CERK: variants seen among roughly 807,000 people sequenced by gnomAD.
CERK encodes the protein ceramide kinase.
CERK carries 39 observed loss-of-function variants against 63.4 expected under a neutral mutation model. That is an observed-to-expected ratio of 0.61 (90% CI 0.48 to 0.80). The LOEUF is 0.80. Among genes scored for constraint, CERK ranks in the 30% least tolerant of loss-of-function variants. CERK has a pLI of 0.00. For missense variants in CERK, 670 were observed against 714.1 expected (o/e 0.94, Z 0.70); for synonymous variants, 302 against 280.0 (o/e 1.08, Z -0.78).
intron 1 of CERK, among the ~76,000 whole-genome samples, chr22:46,732,482 C>G (rs540140215): frequency 2.6e-5 from 4 of 151,904 alleles, no homozygotes; most frequent in Non-Finnish European, 5.9e-5. Flanking sequence ...CTTAAACACA[C>G]AGAAAGTGTA....
chr22:46,698,268 CG>C (rs1431467050), intron 8 of CERK, among the ~76,000 whole-genome samples: 1 of 152,232 alleles, frequency 6.6e-6, no homozygotes, highest in Non-Finnish European at 1.5e-5. Context: ...GGGAGTGCGG[CG>C]TGGCATTCGC....
chr22:46,725,451 G>C (rs1159236426), intron 1 of CERK, among the ~76,000 whole-genome samples: 3 of 152,156 alleles, frequency 2.0e-5, no homozygotes, highest in African/African-American at 7.2e-5. Flanking sequence ...CTGAGGGTTA[G>C]TCTCAAATTG....
chr22:46,718,993 G>T lies in CERK; in HGVS notation c.379+1093C>A, dbSNP rs201627830. 9.2e-5 allele frequency among the ~76,000 whole-genome samples: 14 copies of T among 151,648 alleles called. No homozygotes were observed. In the East Asian group the frequency reaches 2.8e-3, roughly 30 times the overall value. ...TGAGGTGGGAAGATCACTTGAGCCCGGAAGGTAGAGGCTGCAGTGAGCTAA... is the reference window on the plus strand; with the variant it reads ...TGAGGTGGGAAGATCACTTGAGCCCTGAAGGTAGAGGCTGCAGTGAGCTAA... On this transcript the variant is annotated intron_variant, in intron 3 of 12. Transcript: ENST00000216264.
At chr22:46,712,375 T>C in intron 3 of CERK, 82 bp from the exon 4 acceptor site, 2 of 1,353,966 alleles carry the variant, frequency 1.5e-6, no homozygotes, top group Non-Finnish European at 2.1e-6. Flanking sequence ...AATCAAACCA[T>C]GAGGGTTTTA....
At chr22:46,699,239 T>C (rs2082771140) in intron 8 of CERK, 74 bp downstream of exon 8, 1 of 1,473,792 alleles carries the variant, frequency 6.8e-7, no homozygotes, top group South Asian at 1.2e-5. Context: ...GCTCAGTGGA[T>C]TCAGTCAGGT....
chr22:46,687,276 T>A, intron 12 of CERK, 70 bp from the exon 13 acceptor site: 4 of 720,850 alleles, frequency 5.5e-6, no homozygotes, highest in African/African-American at 2.3e-5. Flanking sequence ...GCCCCACTCC[T>A]GGACAGGGGC....
chr22:46,718,371 C>T (rs767670647), intron 3 of CERK, among the ~76,000 whole-genome samples: 11 of 151,900 alleles, frequency 7.2e-5, no homozygotes, highest in South Asian at 2.1e-4. Context: ...GCAGGACGGA[C>T]GGAAAGGGGG....
chr22:46,737,291 C>CA (rs34667609), intron 1 of CERK, among the ~76,000 whole-genome samples: 3,527 of 69,176 alleles, frequency 0.051, 139 homozygotes, highest in African/African-American at 0.12. Context: ...CACTCCGACT[C>CA]AAAAAAAAAA....
In CERK at chr22:46,733,772, T is replaced by A. The variant is rs560000980; in HGVS notation, c.142+4235A>T. On this transcript the variant is annotated intron_variant, in intron 1 of 12. Coordinates refer to ENST00000216264, the MANE Select transcript of CERK (RefSeq NM_022766.6). ...TGTAAGAATTTACAGCCAGGTGCAG[T>A]GGCTAACGCCTGTAATCCCAACACT... 1.1e-3 allele frequency among the ~76,000 whole-genome samples: 164 copies of A among 152,042 alleles called. 2 individuals are homozygous for A. The highest frequency in any genetic ancestry group is 3.7e-3 in the African/African-American group (153 of 41,484).
At chr22:46,703,185 C>T (rs76535366) in intron 6 of CERK, among the ~76,000 whole-genome samples, 1 of 152,186 alleles carries the variant, frequency 6.6e-6, no homozygotes, top group East Asian at 1.9e-4. Context: ...TATACTAATA[C>T]ATATGTGGAA....
chr22:46,730,364 T>C (rs1015778146), intron 1 of CERK, among the ~76,000 whole-genome samples: 1 of 151,176 alleles, frequency 6.6e-6, no homozygotes, highest in African/African-American at 2.4e-5. Context: ...GAGTTTGCAG[T>C]GAGTCGAGAT....
intron 1 of CERK, among the ~76,000 whole-genome samples, chr22:46,722,794 G>T (rs1055958951): frequency 6.6e-6 from 1 of 152,152 alleles, no homozygotes; most frequent in Admixed American, 6.6e-5. Flanking sequence ...CGTGCCAGGG[G>T]TGCCAGCACA....
intron 1 of CERK, among the ~76,000 whole-genome samples, chr22:46,726,206 A>G (rs536730382): frequency 6.6e-6 from 1 of 152,334 alleles, no homozygotes; most frequent in Non-Finnish European, 1.5e-5. Flanking sequence ...GAGGCCCCAG[A>G]TGTCTTTCGC....
At chr22:46,734,831 C>T (rs1056954473) in intron 1 of CERK, among the ~76,000 whole-genome samples, 1 of 152,132 alleles carries the variant, frequency 6.6e-6, no homozygotes. Flanking sequence ...TGTGTTTTCT[C>T]GATATTATTA....
At position 46,712,628 on chromosome 22, in the gene CERK, G is replaced by T. The variant is rs115137642; in HGVS notation, c.380-335C>A. The stretch of plus-strand genomic sequence containing the variant: ...GGGCAGCAGCCTCGTTCTTCTGCAG[G>T]TGAAGGAGGTGAGTGTGCAGACAGC... On this transcript the variant is annotated intron_variant, in intron 3 of 12. Coordinates refer to ENST00000216264, the MANE Select transcript of CERK (RefSeq NM_022766.6). 3.9e-3 allele frequency among the ~76,000 whole-genome samples: 593 copies of T among 152,306 alleles called. 2 individuals carry two copies. The highest frequency in any genetic ancestry group is 0.013 in the African/African-American group (555 of 41,574).
At chr22:46,700,822 A>C (rs1225850493) in intron 7 of CERK, among the ~76,000 whole-genome samples, 1 of 152,060 alleles carries the variant, frequency 6.6e-6, no homozygotes, top group Non-Finnish European at 1.5e-5. Context: ...GACCAGCCTG[A>C]CCAATACGGT....
intron 1 of CERK, among the ~76,000 whole-genome samples, chr22:46,724,890 G>A (rs576536330): frequency 3.3e-5 from 5 of 152,226 alleles, no homozygotes; most frequent in East Asian, 3.9e-4. Flanking sequence ...GTGTGGTGGC[G>A]GGCACCTGTA....
At chr22:46,712,348 GCT>G in intron 3 of CERK, 55 bp from the exon 4 acceptor site, 2 of 1,556,588 alleles carry the variant, frequency 1.3e-6, no homozygotes, top group Non-Finnish European at 1.8e-6. Context: ...AAAACGAAGA[GCT>G]CTGTTACTGG....
In CERK at chr22:46,695,430, C is replaced by G. The variant is rs16995581; in HGVS notation, c.944-115G>C. On this transcript the variant is annotated intron_variant, in intron 8 of 12. Transcript: ENST00000216264. ...AGCGCGCATCTGCCTAAACCGTCTG[C>G]AGGAGGGAGAGGCCGGGCCTGCTTC... The G allele has an allele frequency of 5.4e-3, 3,957 of 729,278 alleles. 103 individuals are homozygous for G. In the African/African-American group the frequency reaches 0.061, roughly 11 times the overall value. 45.2% of individuals were successfully genotyped at this position (729,278 alleles called of 1,614,324 possible). A position where few individuals can be genotyped will look rare whatever the true frequency, so the allele number is the denominator to read the frequency against.
Sources: allele counts gnomAD v4.1 joint callset (sites outside exome capture counted in the v4.1 genomes callset), GRCh38; gene constraint gnomAD v4.1.1; transcripts MANE v1.5; gene names NCBI Gene and HGNC (gene_info 2026-07-23, HGNC 2026-07-21).